LSAMP: variants seen among roughly 807,000 people sequenced by gnomAD.
LSAMP encodes limbic system associated membrane protein.
LSAMP carries 7 observed loss-of-function variants against 38.6 expected under a neutral mutation model. The observed-to-expected ratio is 0.18, with a 90% confidence interval of 0.10 to 0.34. The LOEUF is 0.34. LSAMP is among the 10% of genes least tolerant of loss of function. The pLI is 1.00. For missense variants in LSAMP, 313 were observed against 420.0 expected (o/e 0.75, Z 2.23); for synonymous variants, 154 against 166.8 (o/e 0.92, Z 0.59).
chr3:116,317,875 G>A (rs1576122772), intron 1 of LSAMP, among the ~76,000 whole-genome samples: 1 of 151,214 alleles, frequency 6.6e-6, no homozygotes, highest in African/African-American at 2.4e-5. Flanking sequence ...GTGGCTCACG[G>A]CTGTAATCCC....
chr3:115,812,402 T>C (rs146271162), intron 6 of LSAMP, among the ~76,000 whole-genome samples: 1 of 152,274 alleles, frequency 6.6e-6, no homozygotes, highest in East Asian at 1.9e-4. Flanking sequence ...AGCACCCGAT[T>C]AGTAATTGTT....
At chr3:115,984,073 T>G (rs542185046) in intron 3 of LSAMP, among the ~76,000 whole-genome samples, 1 of 129,570 alleles carries the variant, frequency 7.7e-6, no homozygotes, top group African/African-American at 2.9e-5. Flanking sequence ...TAATACCAAG[T>G]TGGAAAAAAA....
chr3:116,027,054 A>T (rs1165373483), intron 2 of LSAMP, among the ~76,000 whole-genome samples: 2 of 152,196 alleles, frequency 1.3e-5, no homozygotes, highest in Non-Finnish European at 2.9e-5. Flanking sequence ...TTTTAGTATA[A>T]ATGTGTTCCA....
At chr3:116,099,020 A>G (rs1167589686) in intron 1 of LSAMP, among the ~76,000 whole-genome samples, 1 of 152,220 alleles carries the variant, frequency 6.6e-6, no homozygotes, top group Non-Finnish European at 1.5e-5. Context: ...TGGTAAGGTG[A>G]TGAAAGTGAA....
chr3:116,349,879 G>A lies in LSAMP; in HGVS notation c.155+94998C>T, dbSNP rs145093812. ...GCATAATCCTGAAAGATATGAAGAG[G>A]TGAAGTATATTTACATGTTTTCTGA... On this transcript the variant is annotated intron_variant, in intron 1 of 6. Transcript: ENST00000490035. 2.1e-3 allele frequency among the ~76,000 whole-genome samples: 325 copies of A among 151,998 alleles called. 2 individuals carry two copies. Among genetic ancestry groups the A allele is most frequent in the African/African-American group, 7.5e-3 (311 of 41,506 alleles).
At chr3:116,096,562 G>T (rs547602211) in intron 1 of LSAMP, among the ~76,000 whole-genome samples, 2 of 152,324 alleles carry the variant, frequency 1.3e-5, no homozygotes, top group South Asian at 2.1e-4. Context: ...AGGCTCTAAT[G>T]CCATCTCTGG....
intron 1 of LSAMP, among the ~76,000 whole-genome samples, chr3:116,266,732 A>G (rs2107664753): frequency 6.6e-6 from 1 of 152,288 alleles, no homozygotes; most frequent in African/African-American, 2.4e-5. Flanking sequence ...ACAAGTGTAT[A>G]GAGAGGTAAA....
chr3:116,099,793 GCA>G (rs1222183629), intron 1 of LSAMP, among the ~76,000 whole-genome samples: 3 of 151,920 alleles, frequency 2.0e-5, no homozygotes, highest in African/African-American at 7.3e-5. Context: ...CTTTCTCCAT[GCA>G]CACTTTTATA....
At chr3:116,053,144 G>T (rs1941427099) in intron 2 of LSAMP, among the ~76,000 whole-genome samples, 1 of 152,174 alleles carries the variant, frequency 6.6e-6, no homozygotes, top group African/African-American at 2.4e-5. Context: ...CCATATCTCA[G>T]ATCCACAGCC....
At chr3:115,828,836 C>A (rs898109162) in intron 6 of LSAMP, among the ~76,000 whole-genome samples, 1 of 151,990 alleles carries the variant, frequency 6.6e-6, no homozygotes, top group African/African-American at 2.4e-5. Flanking sequence ...AAAAAATATT[C>A]ATTTTCAAAT....
chr3:116,376,882 A>ACTC (rs1462204263), intron 1 of LSAMP, among the ~76,000 whole-genome samples: 2 of 152,000 alleles, frequency 1.3e-5, no homozygotes, highest in East Asian at 3.9e-4. Flanking sequence ...CCAACTCGTA[A>ACTC]CTCTGTATTT....
chr3:115,836,569 G>A (rs1429944055), intron 6 of LSAMP, among the ~76,000 whole-genome samples: 1 of 152,168 alleles, frequency 6.6e-6, no homozygotes, highest in African/African-American at 2.4e-5. Flanking sequence ...CTATAAGGTT[G>A]GCCCTATATA....
chr3:115,814,223 T>C (rs969396556), intron 6 of LSAMP: 2 of 152,180 alleles, frequency 1.3e-5, no homozygotes, highest in African/African-American at 4.8e-5. Context: ...AGGAGCAAAA[T>C]TCAGCTGCAG....
At chr3:115,956,399 C>A (rs1054137025) in intron 3 of LSAMP, among the ~76,000 whole-genome samples, 1 of 151,710 alleles carries the variant, frequency 6.6e-6, no homozygotes, top group East Asian at 1.9e-4. Flanking sequence ...TGACCTTAAT[C>A]CCCATAGAGG....
At chr3:116,124,659 A>C (rs918188551) in intron 1 of LSAMP, among the ~76,000 whole-genome samples, 1 of 152,178 alleles carries the variant, frequency 6.6e-6, no homozygotes, top group Non-Finnish European at 1.5e-5. Flanking sequence ...AAAATGCAAA[A>C]ATATGGAGAA....
At chr3:116,247,030 G>T (rs1350875098) in intron 1 of LSAMP, among the ~76,000 whole-genome samples, 1 of 152,048 alleles carries the variant, frequency 6.6e-6, no homozygotes, top group Non-Finnish European at 1.5e-5. Flanking sequence ...GTCAGGAGAT[G>T]GATATGTGAT....
In LSAMP at chr3:115,805,678, A is replaced by G. The variant is rs765852519; in HGVS notation, c.*4639T>C. ...TTGCCAAGAGAAAAGTGAGATGTAC[A>G]TGCTGGGTGAAAACAAATTCTTTCC... is the stretch of plus-strand genomic sequence containing the variant. On this transcript the variant is annotated 3_prime_UTR_variant, in exon 7 of 7. Coordinates refer to ENST00000490035, the MANE Select transcript of LSAMP (RefSeq NM_002338.5). 2 of 152,232 alleles carry G rather than the reference A, an allele frequency of 1.3e-5. No individual in the cohort carries two copies. Among genetic ancestry groups the G allele is most frequent in the Non-Finnish European group, 2.9e-5 (2 of 68,036 alleles). 9.4% of individuals were successfully genotyped at this position (152,232 alleles called of 1,614,324 possible).
chr3:116,215,805 A>C (rs1452497533), intron 1 of LSAMP, among the ~76,000 whole-genome samples: 1 of 152,164 alleles, frequency 6.6e-6, no homozygotes, highest in East Asian at 1.9e-4. Flanking sequence ...GGGATAAGGG[A>C]GTTGATTAAA....
chr3:115,950,682 A>G (rs1418909132), intron 3 of LSAMP, among the ~76,000 whole-genome samples: 1 of 151,962 alleles, frequency 6.6e-6, no homozygotes. Flanking sequence ...AGCAATCCAC[A>G]GATTAAGTGC....
Sources: allele counts gnomAD v4.1 joint callset (sites outside exome capture counted in the v4.1 genomes callset), GRCh38; gene constraint gnomAD v4.1.1; transcripts MANE v1.5; gene names NCBI Gene and HGNC (gene_info 2026-07-23, HGNC 2026-07-21).